Variants in F9 observed in about 807,000 individuals in gnomAD.
F9 encodes Christmas factor.
Under a neutral mutation model 34.1 loss-of-function variants are expected in F9, and 2 were observed. That is an observed-to-expected ratio of 0.06 (90% CI 0.02 to 0.18). F9 has a LOEUF of 0.18. Among genes scored for constraint, F9 ranks in the 10% least tolerant of loss-of-function variants. F9 has a pLI of 1.00. For missense variants in F9, 216 were observed against 345.1 expected (o/e 0.63, Z 2.96); for synonymous variants, 137 against 118.8 (o/e 1.15, Z -1.00).
Position 139,562,262 on chromosome X carries a change from T to A in F9, c.*191T>A. On this transcript the variant is annotated 3_prime_UTR_variant, in exon 8 of 8. Coordinates refer to ENST00000218099, the MANE Select transcript of F9 (RefSeq NM_000133.4). ...TTAGAAAATGGAACCACTAGAGGAA[T>A]ATAATGTGTTAGGAAATTACAGTCA... 2.3e-6 allele frequency: 1 copy of A among 440,707 alleles called. No individual in the cohort carries two copies. The highest frequency in any genetic ancestry group is 3.9e-6 in the Non-Finnish European group (1 of 258,558). The allele number at this position is 440,707 out of a possible 1,213,427, so 36.3% of individuals were successfully genotyped here.
At position 139,563,346 on chromosome X, in the gene F9, C is replaced by T. The variant is rs1341379402; in HGVS notation, c.*1275C>T. The T allele has an allele frequency of 8.9e-6, 1 of 111,787 alleles. No homozygotes were observed. Among genetic ancestry groups the T allele is most frequent in the East Asian group, 2.8e-4 (1 of 3,521 alleles). The allele number at this position is 111,787 out of a possible 1,213,427, so 9.2% of individuals were successfully genotyped here. On this transcript the variant is annotated 3_prime_UTR_variant, in exon 8 of 8. Coordinates refer to ENST00000218099, the MANE Select transcript of F9 (RefSeq NM_000133.4). Reference sequence around the variant, plus strand: ...TTGTCCTTTTCTGGTTTCGTGTTCACCATGGAACATTTTGATTATAGTTAA... The same window carrying T: ...TTGTCCTTTTCTGGTTTCGTGTTCATCATGGAACATTTTGATTATAGTTAA...
At chrX:139,546,915 A>G (rs909582704) in intron 4 of F9, among the ~76,000 whole-genome samples, 1 of 112,206 alleles carries the variant, frequency 8.9e-6, no homozygotes, top group African/African-American at 3.2e-5. Flanking sequence ...CAAAGTGCCC[A>G]GCAGGCTTTT....
At chrX:139,550,720 G>A (rs984727033) in intron 5 of F9, among the ~76,000 whole-genome samples, 1 of 111,781 alleles carries the variant, frequency 8.9e-6, no homozygotes, top group Non-Finnish European at 1.9e-5. Context: ...TTCAGGGATG[G>A]CAATTGGGAG....
At chrX:139,552,285 G>A (rs1247101855) in intron 6 of F9, among the ~76,000 whole-genome samples, 1 of 112,259 alleles carries the variant, frequency 8.9e-6, no homozygotes, top group Admixed American at 9.4e-5. Flanking sequence ...CTTGTACCTA[G>A]TCCTTCCCGG....
intron 3 of F9, among the ~76,000 whole-genome samples, chrX:139,540,482 A>G (rs1025040923): frequency 8.9e-6 from 1 of 112,211 alleles, no homozygotes; most frequent in African/African-American, 3.2e-5. Context: ...GACTATCTTT[A>G]AGTAGTAACA....
Position 139,542,748 on chromosome X carries a change from A to G in F9, c.391+1559A>G, listed in dbSNP as rs1927630434. Among the ~76,000 whole-genome samples the G allele has an allele frequency of 2.7e-5, 3 of 111,835 alleles. No homozygotes were observed. The South Asian group carries it at 1.1e-3, about 42-fold the overall frequency. ...GTAAATATAAGCACAAAACTTCTAC[A>G]ACAGAGTTTGCTACGTGTGTGGCTG... On this transcript the variant is annotated intron_variant, in intron 4 of 7. Transcript: ENST00000218099.
intron 1 of F9, 46 bp downstream of exon 1, chrX:139,530,898 A>G (rs374946931): frequency 9.4e-5 from 94 of 996,544 alleles, no homozygotes; most frequent in Non-Finnish European, 1.2e-4. Context: ...TGCCTTTTAG[A>G]TATAGAAATA....
At chrX:139,545,899 CT>C (rs1927705811) in intron 4 of F9, among the ~76,000 whole-genome samples, 1 of 102,914 alleles carries the variant, frequency 9.7e-6, no homozygotes, top group Non-Finnish European at 2.0e-5. Context: ...CCCTAATGGA[CT>C]TCCTAGCACT....
In F9 at chrX:139,537,092, A is replaced by G; in HGVS notation, c.171A>G (p.Gln57=). The change falls in exon 2 of 8, where the codon CAA becomes CAG. Residue 57 remains glutamine (Q), a synonymous_variant. Transcript: ENST00000218099. ...CAGGTAAATTGGAAGAGTTTGTTCA[A>G]GGGAACCTTGAGAGAGAATGTATGG... ...YNSGKLEEFV[Q]GNLERECMEE... 2 of 1,211,111 alleles carry G rather than the reference A, an allele frequency of 1.7e-6. No homozygotes were observed. The highest frequency in any genetic ancestry group is 2.2e-6 in the Non-Finnish European group (2 of 894,768).
intron 1 of F9, among the ~76,000 whole-genome samples, chrX:139,536,239 G>GTATATATATGTACACACATATATGTATA (rs1927469392): frequency 2.2e-5 from 2 of 90,633 alleles, no homozygotes; most frequent in South Asian, 1.0e-3. Context: ...ACACATATAT[G>GTATATATATGTACACACATATATGTATA]TATATATATG....
At chrX:139,545,489 G>T (rs940003387) in intron 4 of F9, among the ~76,000 whole-genome samples, 4 of 111,704 alleles carry the variant, frequency 3.6e-5, no homozygotes, top group East Asian at 2.8e-4. Context: ...ATTGTGAATT[G>T]GGATTAAACT....
rs775962002 is a variant in F9, at chrX:139,537,354, C to A, written c.253-8C>A. ...TACCGTTAATTTGTCTTCTTTTATT[C>A]TTTATAGACTGAATTTTGGAAGCAG... On this transcript the variant is annotated splice_region_variant and splice_polypyrimidine_tract_variant and intron_variant, in intron 2 of 7. Transcript: ENST00000218099. 8.4e-7 allele frequency: 1 copy of A among 1,188,231 alleles called. No individual in the cohort carries two copies. Among genetic ancestry groups the A allele is most frequent in the Non-Finnish European group, 1.1e-6 (1 of 874,991 alleles).
At position 139,563,217 on chromosome X, in the gene F9, G is replaced by A. The variant is rs1356414057; in HGVS notation, c.*1146G>A. The A allele has an allele frequency of 9.0e-6, 1 of 110,692 alleles. No homozygotes were observed. Among genetic ancestry groups the A allele is most frequent in the African/African-American group, 3.3e-5 (1 of 30,418 alleles). 9.1% of individuals were successfully genotyped at this position (110,692 alleles called of 1,213,427 possible). A position where few individuals can be genotyped will look rare whatever the true frequency, so the allele number is the denominator to read the frequency against. Reference sequence around the variant, plus strand: ...CCAAGCAAGAAGTTGAAGTTGCCTAGACCAGAGGACATAAGTATCATGTCT... The same window carrying A: ...CCAAGCAAGAAGTTGAAGTTGCCTAAACCAGAGGACATAAGTATCATGTCT... On this transcript the variant is annotated 3_prime_UTR_variant, in exon 8 of 8. Transcript: ENST00000218099.
At chrX:139,542,557 A>G (rs1356226706) in intron 4 of F9, among the ~76,000 whole-genome samples, 3 of 112,282 alleles carry the variant, frequency 2.7e-5, no homozygotes, top group Non-Finnish European at 5.6e-5. Flanking sequence ...ACTCATTATC[A>G]GCTTAAATAA....
rs1160160901 is a variant in F9 at position 139,551,066 on chromosome X, A to G, written c.525A>G (p.Pro175=). ...ATTTTTCTTCTATTTTTCTAGTGCC[A>G]TTTCCATGTGGAAGAGTTTCTGTTT... is the stretch of plus-strand genomic sequence containing the variant. ...ENQKSCEPAV[P]FPCGRVSVSQ... Residue 175 remains proline (P), a synonymous_variant, in exon 6 of 8, where the codon CCA becomes CCG. Transcript: ENST00000218099. The G allele has an allele frequency of 8.3e-7, 1 of 1,210,232 alleles. No homozygotes were observed.
intron 1 of F9, among the ~76,000 whole-genome samples, chrX:139,536,501 C>T (rs1927479735): frequency 9.0e-6 from 1 of 110,978 alleles, no homozygotes; most frequent in African/African-American, 3.3e-5. Flanking sequence ...TCTGAAATTG[C>T]TTTTTTAAAT....
chrX:139,556,461 T>C (rs764686287), intron 6 of F9, among the ~76,000 whole-genome samples: 38 of 111,987 alleles, frequency 3.4e-4, no homozygotes, highest in Non-Finnish European at 6.0e-4. Flanking sequence ...TCCTTTCTGT[T>C]CGATTAGGAC....
In F9 at chrX:139,562,118, AG is replaced by A; in HGVS notation, c.*50del. ...TAATTCATTGGAATTGAAAATTAAC[AG>A]GGCCTCTCACTAACTAATCACTTTC... On this transcript the variant is annotated 3_prime_UTR_variant, in exon 8 of 8. Coordinates refer to ENST00000218099, the MANE Select transcript of F9 (RefSeq NM_000133.4). 9.4e-7 allele frequency: 1 copy of A among 1,063,049 alleles called. No homozygotes were observed. The allele number at this position is 1,063,049 out of a possible 1,213,427, so 87.6% of individuals were successfully genotyped here.
chrX:139,538,204 A>G (rs1603264420), intron 3 of F9, among the ~76,000 whole-genome samples: 1 of 112,039 alleles, frequency 8.9e-6, no homozygotes, highest in Non-Finnish European at 1.9e-5. Context: ...GGGATATTCA[A>G]TTGTTTTGTT....
Sources: gnomAD v4.1 joint callset for allele counts (sites outside exome capture counted in the v4.1 genomes callset) on GRCh38, gnomAD v4.1.1 for gene constraint, MANE v1.5 for transcripts, NCBI Gene and HGNC (gene_info 2026-07-23, HGNC 2026-07-21) for gene names.